Variants in SEMA6D observed in about 807,000 individuals in gnomAD.
The protein encoded by SEMA6D is semaphorin-6D.
SEMA6D carries 35 observed loss-of-function variants against 106.6 expected under a neutral mutation model. The observed-to-expected ratio is 0.33, with a 90% CI of 0.25 to 0.44. SEMA6D has a LOEUF of 0.44. SEMA6D is among the 20% of genes least tolerant of loss of function. The probability of loss-of-function intolerance (pLI) is 1.00; values close to 1 mark genes in which losing one functional copy is unlikely to be tolerated. For missense variants in SEMA6D, 1,185 were observed against 1,345.9 expected, an observed-to-expected ratio of 0.88 and a Z score of 1.87; for synonymous variants, 499 against 487.7, an observed-to-expected ratio of 1.02 and a Z score of -0.31.
At chr15:47,442,414 A>T (rs2041909467) in intron 2 of SEMA6D, among the ~76,000 whole-genome samples, 1 of 152,088 alleles carries the variant, frequency 6.6e-6, no homozygotes, top group Admixed American at 6.6e-5. Flanking sequence ...CTGTTCTATA[A>T]TGCTAAGTAG....
chr15:47,649,255 C>T (rs911744979), intron 4 of SEMA6D, among the ~76,000 whole-genome samples: 38 of 152,028 alleles, frequency 2.5e-4, no homozygotes, highest in South Asian at 4.1e-4. Flanking sequence ...ATGGAAGAGA[C>T]GCATCTCAGA....
chr15:47,581,881 T>C (rs2076260404), intron 3 of SEMA6D, among the ~76,000 whole-genome samples: 1 of 130,666 alleles, frequency 7.7e-6, no homozygotes, highest in Non-Finnish European at 1.6e-5. Flanking sequence ...AGCCAGAATC[T>C]AGGTCTCATA....
intron 1 of SEMA6D, among the ~76,000 whole-genome samples, chr15:47,335,660 C>G (rs2037523862): frequency 6.6e-6 from 1 of 152,078 alleles, no homozygotes; most frequent in South Asian, 2.1e-4. Flanking sequence ...AACAACAGTT[C>G]AAGAAGCCTT....
At chr15:47,433,544 T>A (rs918705715) in intron 2 of SEMA6D, among the ~76,000 whole-genome samples, 3 of 152,122 alleles carry the variant, frequency 2.0e-5, no homozygotes, top group African/African-American at 7.2e-5. Flanking sequence ...CTTGTAGAGA[T>A]GTTTATGTGA....
At chr15:47,207,456 T>C (rs1475560002) in intron 1 of SEMA6D, among the ~76,000 whole-genome samples, 3 of 152,180 alleles carry the variant, frequency 2.0e-5, no homozygotes, top group East Asian at 1.9e-4. Context: ...CATTATTTTA[T>C]TACCCTTTTC....
chr15:47,700,663 A>C (rs2145904820), intron 4 of SEMA6D, among the ~76,000 whole-genome samples: 1 of 152,276 alleles, frequency 6.6e-6, no homozygotes, highest in South Asian at 2.1e-4. Flanking sequence ...AGTGGCATGC[A>C]CCTGTAGTCC....
At chr15:47,743,012 C>T (rs1013198841) in intron 1 of SEMA6D, among the ~76,000 whole-genome samples, 1 of 152,150 alleles carries the variant, frequency 6.6e-6, no homozygotes, top group East Asian at 1.9e-4. Context: ...AAGAAAGCAA[C>T]ATTCTTTTTT....
chr15:47,224,922 G>C (rs954956901), intron 1 of SEMA6D, among the ~76,000 whole-genome samples: 1 of 151,830 alleles, frequency 6.6e-6, no homozygotes, highest in Non-Finnish European at 1.5e-5. Context: ...GAATGGCAGA[G>C]GGAACCCTGC....
At chr15:47,233,062 T>C (rs1358868764) in intron 1 of SEMA6D, among the ~76,000 whole-genome samples, 1 of 152,042 alleles carries the variant, frequency 6.6e-6, no homozygotes, top group African/African-American at 2.4e-5. Flanking sequence ...TCTAAGAATT[T>C]TATTATGCTC....
At chr15:47,363,012 A>G (rs1216287942) in intron 1 of SEMA6D, among the ~76,000 whole-genome samples, 2 of 152,218 alleles carry the variant, frequency 1.3e-5, no homozygotes, top group South Asian at 2.1e-4. Flanking sequence ...GGTCAAGTTT[A>G]ATTAGAAAGA....
intron 4 of SEMA6D, among the ~76,000 whole-genome samples, chr15:47,607,218 C>G (rs779603881): frequency 1.3e-5 from 2 of 152,056 alleles, no homozygotes; most frequent in African/African-American, 2.4e-5. Context: ...ATATGACTTC[C>G]CCAGTCAGTC....
chr15:47,494,229 G>A (rs1019750309), intron 3 of SEMA6D, among the ~76,000 whole-genome samples: 20 of 152,036 alleles, frequency 1.3e-4, no homozygotes, highest in Admixed American at 6.6e-5. Flanking sequence ...TAAATACTGG[G>A]AATTACTATA....
chr15:47,604,298 T>A (rs1314256019), intron 4 of SEMA6D: 8 of 152,202 alleles, frequency 5.3e-5, no homozygotes, highest in African/African-American at 1.9e-4. Flanking sequence ...AGAAAGTGCT[T>A]AACACGTAAT....
intron 1 of SEMA6D, among the ~76,000 whole-genome samples, chr15:47,217,003 C>A (rs953912223): frequency 1.3e-5 from 2 of 151,952 alleles, no homozygotes; most frequent in African/African-American, 4.8e-5. Flanking sequence ...GTCATGAGAC[C>A]CAGAAGATAC....
chr15:47,683,284 C>T (rs2078398046), intron 4 of SEMA6D, among the ~76,000 whole-genome samples: 1 of 152,162 alleles, frequency 6.6e-6, no homozygotes, highest in African/African-American at 2.4e-5. Flanking sequence ...TTGCTTAGCT[C>T]CCACTTCCAT....
chr15:47,476,834 C>T (rs546758272), intron 3 of SEMA6D, among the ~76,000 whole-genome samples: 1 of 152,270 alleles, frequency 6.6e-6, no homozygotes, highest in Admixed American at 6.5e-5. Context: ...CCTGTACTTC[C>T]CTCCTTTTCT....
At chr15:47,445,325 C>A (rs2041998867) in intron 2 of SEMA6D, among the ~76,000 whole-genome samples, 1 of 152,006 alleles carries the variant, frequency 6.6e-6, no homozygotes. Flanking sequence ...CCCTCTTCTA[C>A]CCAGTATTTC....
chr15:47,437,055 G>A (rs1466153416), intron 2 of SEMA6D, among the ~76,000 whole-genome samples: 4 of 144,394 alleles, frequency 2.8e-5, no homozygotes, highest in Non-Finnish European at 3.0e-5. Context: ...GGGAGGGGAT[G>A]GGAAGGGGAG....
intron 1 of SEMA6D, among the ~76,000 whole-genome samples, chr15:47,294,722 A>T (rs976955061): frequency 1.3e-5 from 2 of 152,048 alleles, no homozygotes; most frequent in Non-Finnish European, 2.9e-5. Context: ...TTCCTGCAGG[A>T]TTCTCCTTCT....
Sources: allele counts gnomAD v4.1 joint callset (sites outside exome capture counted in the v4.1 genomes callset), GRCh38; gene constraint gnomAD v4.1.1; transcripts MANE v1.5; gene names NCBI Gene and HGNC (gene_info 2026-07-23, HGNC 2026-07-21).